The following FOXA3 variants were observed in gnomAD, a reference collection of about 807,000 sequenced individuals.
The protein encoded by FOXA3 is hepatocyte nuclear factor 3-gamma.
FOXA3 carries 11 observed loss-of-function variants against 16.9 expected under a neutral mutation model. The observed-to-expected ratio is 0.65, with a 90% CI of 0.41 to 1.08. The LOEUF is 1.08. FOXA3 is among the 50% of genes least tolerant of loss of function. The pLI is 0.00. For synonymous variants in FOXA3, 217 were observed against 203.3 expected (o/e 1.07, Z -0.57); for missense variants, 423 against 470.1 (o/e 0.90, Z 0.93).
Position 45,864,422 on chromosome 19 carries a change from C to CGGAGCG in FOXA3, c.-32_-27dup. ...CCAGAGCGCTCCGTTCCCCCGGGGC[C>CGGAGCG]GGAGCGGGGGCGGGTGGGGGCGTAA... On this transcript the variant is annotated 5_prime_UTR_variant, in exon 1 of 2. Coordinates refer to ENST00000302177, the MANE Select transcript of FOXA3 (RefSeq NM_004497.3). The CGGAGCG allele has an allele frequency of 7.3e-7, 1 of 1,377,616 alleles. No homozygotes were observed. The highest frequency in any genetic ancestry group is 1.6e-5 in the South Asian group (1 of 61,362). 85.3% of individuals were successfully genotyped at this position (1,377,616 alleles called of 1,614,324 possible). A position where few individuals can be genotyped will look rare whatever the true frequency, so the allele number is the denominator to read the frequency against.
intron 1 of FOXA3, among the ~76,000 whole-genome samples, chr19:45,870,560 A>AC (rs1040670903): frequency 7.4e-6 from 1 of 135,206 alleles, no homozygotes; most frequent in African/African-American, 2.8e-5. Context: ...TCTCAGGACC[A>AC]CCCCCCTTCT....
chr19:45,868,577 TAA>T (rs34586958), intron 1 of FOXA3, among the ~76,000 whole-genome samples: 19,014 of 116,302 alleles, frequency 0.16, 1,503 homozygotes, highest in Admixed American at 0.3. Flanking sequence ...GAGACTCTCT[TAA>T]AAAAAAAAAA....
intron 1 of FOXA3, among the ~76,000 whole-genome samples, chr19:45,866,034 G>C (rs1199204665): frequency 1.3e-5 from 2 of 152,094 alleles, no homozygotes; most frequent in East Asian, 3.9e-4. Flanking sequence ...TAAATGATGG[G>C]GGTCTAGGCA....
At chr19:45,869,855 G>T (rs1275725699) in intron 1 of FOXA3, among the ~76,000 whole-genome samples, 1 of 150,096 alleles carries the variant, frequency 6.7e-6, no homozygotes, top group African/African-American at 2.5e-5. Flanking sequence ...GTGCAATCTC[G>T]GCTCACTGCA....
chr19:45,870,477 A>G (rs1050135636), intron 1 of FOXA3, among the ~76,000 whole-genome samples: 2 of 152,022 alleles, frequency 1.3e-5, no homozygotes, highest in Non-Finnish European at 2.9e-5. Context: ...CCGGCCTATA[A>G]TAACTCTTTA....
chr19:45,873,025 C>T lies in FOXA3; in HGVS notation c.1020C>T (p.Gly340=), dbSNP rs1175223147. 6.2e-7 allele frequency: 1 copy of T among 1,607,414 alleles called. No individual in the cohort carries two copies. Among genetic ancestry groups the T allele is most frequent in the Non-Finnish European group, 8.5e-7 (1 of 1,176,730 alleles). ...GGGAGCCTGGAGTCTACTACCAGGG[C>T]CTCTATTCCCGCTCTTTGCTTAATG... ...EGGEPGVYYQ[G]LYSRSLLNAS The change falls in exon 2 of 2, where the codon GGC becomes GGT. Residue 340 remains glycine (G), a synonymous_variant. Transcript: ENST00000302177.
rs1385717010 is a variant in FOXA3 at position 45,872,330 on chromosome 19, T to A, written c.325T>A (p.Tyr109Asn). ...LVHGKEMPKG[Y>N]RRPLAHAKPP... is the part of the protein sequence containing the mutation. ...GCACGGGAAGGAGATGCCGAAGGGGTATCGGCGGCCCCTGGCACACGCCAA... is the reference window on the plus strand; with the variant it reads ...GCACGGGAAGGAGATGCCGAAGGGGAATCGGCGGCCCCTGGCACACGCCAA... Residue 109 changes from tyrosine (Y) to asparagine (N), a missense_variant, in exon 2 of 2, where the codon TAT (tyrosine) becomes AAT (asparagine). By Grantham distance (143) the Tyr-to-Asn change is moderately radical. This residue lies in a region of FOXA3 where 170 missense variants were observed against 153.9 expected (regional missense o/e 1.10). Coordinates refer to ENST00000302177, the MANE Select transcript of FOXA3 (RefSeq NM_004497.3). This position sits in a 1 kb window ranked among gnomAD's most constrained non-coding sequence, Gnocchi z 4.5. 1 of 1,614,100 alleles carries A rather than the reference T, an allele frequency of 6.2e-7. No individual in the cohort carries two copies. The highest frequency in any genetic ancestry group is 1.7e-5 in the Admixed American group (1 of 60,028).
intron 1 of FOXA3, among the ~76,000 whole-genome samples, chr19:45,868,362 C>CT (rs1158988120): frequency 6.6e-6 from 1 of 151,834 alleles, no homozygotes; most frequent in Non-Finnish European, 1.5e-5. Context: ...GGAGGATCAC[C>CT]TGAGGTCAGG....
At chr19:45,871,284 GT>G (rs1966902435) in intron 1 of FOXA3, among the ~76,000 whole-genome samples, 1 of 152,058 alleles carries the variant, frequency 6.6e-6, no homozygotes, top group Middle Eastern at 3.2e-3. Context: ...GAGCGACACT[GT>G]TTTTTTCCAT....
chr19:45,869,791 ATTTT>A (rs71175234), intron 1 of FOXA3, among the ~76,000 whole-genome samples: 1 of 149,066 alleles, frequency 6.7e-6, no homozygotes, highest in African/African-American at 2.5e-5. Flanking sequence ...TTATTTATTT[ATTTT>A]TTTTTTTTGA....
intron 1 of FOXA3, among the ~76,000 whole-genome samples, chr19:45,870,463 G>A (rs571746096): frequency 1.3e-5 from 2 of 152,102 alleles, no homozygotes; most frequent in South Asian, 4.2e-4. Flanking sequence ...GTGAGCCACC[G>A]TGCCCGGCCT....
chr19:45,868,158 A>G (rs1013634783), intron 1 of FOXA3, among the ~76,000 whole-genome samples: 2 of 152,078 alleles, frequency 1.3e-5, no homozygotes, highest in African/African-American at 4.8e-5. Flanking sequence ...GAGAGACATG[A>G]AAAGGAAAGA....
chr19:45,866,401 C>G (rs1277234290), intron 1 of FOXA3, among the ~76,000 whole-genome samples: 2 of 151,920 alleles, frequency 1.3e-5, no homozygotes, highest in Admixed American at 6.6e-5. Context: ...CAGAATGAGA[C>G]CCTATCTCAA....
chr19:45,865,209 C>A (rs1197379375), intron 1 of FOXA3, among the ~76,000 whole-genome samples: 1 of 152,044 alleles, frequency 6.6e-6, no homozygotes, highest in African/African-American at 2.4e-5. Flanking sequence ...TCCACCCCCC[C>A]ATCCCTACCC....
chr19:45,867,122 C>T (rs1396868706), intron 1 of FOXA3, among the ~76,000 whole-genome samples: 2 of 151,822 alleles, frequency 1.3e-5, no homozygotes, highest in East Asian at 1.9e-4. Context: ...GGAGGACTTC[C>T]GGGTGGGTGG....
At chr19:45,866,529 A>G (rs1443700402) in intron 1 of FOXA3, among the ~76,000 whole-genome samples, 1 of 152,162 alleles carries the variant, frequency 6.6e-6, no homozygotes, top group African/African-American at 2.4e-5. Context: ...GGCTCTCCCC[A>G]GCCTTCCCAT....
chr19:45,872,045 C>T lies in FOXA3; in HGVS notation c.70-30C>T. On this transcript the variant is annotated intron_variant, in intron 1 of 1. Transcript: ENST00000302177. The surrounding 1 kb of genome is among the most constrained non-coding windows in gnomAD (Gnocchi z 4.5). ...TTTGCTGACCAGCAGAGTGGAGCCC[C>T]ACTGACCCCTCCTTTCATCTTTCCC... 1 of 1,608,280 alleles carries T rather than the reference C, an allele frequency of 6.2e-7. No homozygotes were observed. Among genetic ancestry groups the T allele is most frequent in the Non-Finnish European group, 8.5e-7 (1 of 1,176,606 alleles).
rs773757045 is a variant in FOXA3, at chr19:45,872,309, G to C, written c.304G>C (p.Gly102Arg). ...YGAPGPGLVH[G>R]KEMPKGYRRP... is the part of the protein sequence containing the mutation. ...GGCCCCGGGTCCTGGGCTGGTGCAC[G>C]GGAAGGAGATGCCGAAGGGGTATCG... Residue 102 changes from glycine to arginine, a missense_variant, in exon 2 of 2, where the codon GGG (glycine) becomes CGG (arginine). This residue lies in a region of FOXA3 where 170 missense variants were observed against 153.9 expected (regional missense o/e 1.10). Coordinates refer to ENST00000302177, the MANE Select transcript of FOXA3 (RefSeq NM_004497.3). This position sits in a 1 kb window ranked among gnomAD's most constrained non-coding sequence, Gnocchi z 4.5. 3 of 1,613,938 alleles carry C rather than the reference G, an allele frequency of 1.9e-6. No homozygotes were observed. The highest frequency in any genetic ancestry group is 1.7e-6 in the Non-Finnish European group (2 of 1,179,938).
rs770832612 is a variant in FOXA3 at position 45,872,226 on chromosome 19, T to C, written c.221T>C (p.Leu74Pro). 1.9e-6 allele frequency: 3 copies of C among 1,605,874 alleles called. No individual in the cohort carries two copies. In the Admixed American group the frequency reaches 5.0e-5, roughly 27 times the overall value. ...GCACCCCCAGCACCTGCAGCCCCCC[T>C]GGGGCCCACTTTCCCAGGCCTGGGT... ...PLAPPAPAAP[L>P]GPTFPGLGVS... The change falls in exon 2 of 2, where the codon CTG becomes CCG. Residue 74 changes from leucine to proline, a missense_variant. By Grantham distance (98) the Leu-to-Pro change is moderately conservative. Transcript: ENST00000302177. This position sits in a 1 kb window ranked among gnomAD's most constrained non-coding sequence, Gnocchi z 4.5.
Sources: gnomAD v4.1 joint callset for allele counts (sites outside exome capture counted in the v4.1 genomes callset) on GRCh38, gnomAD v4.1.1 for gene constraint, gnomAD v4.1.1 regional missense constraint, Gnocchi (gnomAD v3.1) non-coding constraint, MANE v1.5 for transcripts, NCBI Gene and HGNC (gene_info 2026-07-23, HGNC 2026-07-21) for gene names.